MAP3K13: variants seen among roughly 807,000 people sequenced by gnomAD.
MAP3K13 encodes the protein leucine zipper-bearing kinase.
A neutral mutation model predicts 104.0 loss-of-function variants in MAP3K13; 52 were observed. The ratio of observed to expected loss-of-function variants is 0.50; its 90% CI spans 0.40 to 0.63. The LOEUF is 0.63. Among genes scored for constraint, MAP3K13 ranks in the 20% least tolerant of loss-of-function variants. The pLI is 0.00. For synonymous variants in MAP3K13, 394 were observed against 442.2 expected, an observed-to-expected ratio of 0.89 and a Z score of 1.37; for missense variants, 914 against 1,218.5, an observed-to-expected ratio of 0.75 and a Z score of 3.72.
chr3:185,436,505 A>C (rs1293386805), intron 2 of MAP3K13, among the ~76,000 whole-genome samples: 1 of 152,162 alleles, frequency 6.6e-6, no homozygotes, highest in Non-Finnish European at 1.5e-5. Context: ...ATTTTAGGAG[A>C]ATTTACTTAA....
intron 1 of MAP3K13, among the ~76,000 whole-genome samples, chr3:185,403,746 C>T (rs181288333): frequency 8.1e-4 from 123 of 152,266 alleles, no homozygotes; most frequent in African/African-American, 2.8e-3. Context: ...CTTATATATA[C>T]AGATAAACCT....
chr3:185,462,594 GA>G (rs1488211058), intron 7 of MAP3K13, among the ~76,000 whole-genome samples: 22 of 152,016 alleles, frequency 1.4e-4, no homozygotes, highest in Non-Finnish European at 2.9e-4. Flanking sequence ...ACAACAAGGT[GA>G]AATCCCGCCT....
At chr3:185,379,217 T>C (rs1051545180) in intron 1 of MAP3K13, among the ~76,000 whole-genome samples, 1 of 152,196 alleles carries the variant, frequency 6.6e-6, no homozygotes, top group Non-Finnish European at 1.5e-5. Flanking sequence ...CGTGGGCGAA[T>C]AATCAGAGAG....
chr3:185,446,381 G>C (rs538998171), intron 4 of MAP3K13, among the ~76,000 whole-genome samples: 2 of 151,476 alleles, frequency 1.3e-5, no homozygotes, highest in Admixed American at 6.6e-5. Context: ...TCAGCCTCCC[G>C]AGTGGCTGGG....
intron 2 of MAP3K13, among the ~76,000 whole-genome samples, chr3:185,300,555 C>T (rs1478587234): frequency 6.6e-6 from 1 of 151,494 alleles, no homozygotes; most frequent in Admixed American, 6.6e-5. Flanking sequence ...GCAATGGCGC[C>T]ATCTCGGCTC....
intron 7 of MAP3K13, among the ~76,000 whole-genome samples, chr3:185,455,332 TATATATGAGATATATA>T (rs1716461514): frequency 9.7e-6 from 1 of 103,498 alleles, no homozygotes; most frequent in African/African-American, 3.5e-5. Flanking sequence ...ATATATATGA[TATATATGAGATATATA>T]TGATATATAT....
intron 10 of MAP3K13, among the ~76,000 whole-genome samples, chr3:185,468,836 G>A (rs1717610239): frequency 6.6e-6 from 1 of 152,130 alleles, no homozygotes; most frequent in Non-Finnish European, 1.5e-5. Context: ...CTTTTCTTTT[G>A]TTGTACTAAT....
Position 185,377,893 on chromosome 3 carries a change from C to G in MAP3K13, c.-86+14525C>G, listed in dbSNP as rs9883752. On this transcript the variant is annotated intron_variant, in intron 1 of 13. Transcript: ENST00000265026. ...TGGCTGCCGGGCGAGTTGGACAGTC[C>G]GATTTCCAGTGGGGTCCCGCACAGA... Among the ~76,000 whole-genome samples the G allele has an allele frequency of 6.1e-3, 926 of 152,296 alleles. 8 individuals carry two copies. The highest frequency in any genetic ancestry group is 0.02 in the African/African-American group (837 of 41,566).
At chr3:185,404,476 G>T (rs1037132672) in intron 1 of MAP3K13, among the ~76,000 whole-genome samples, 2 of 152,176 alleles carry the variant, frequency 1.3e-5, no homozygotes, top group African/African-American at 2.4e-5. Flanking sequence ...GTCAGGCTAT[G>T]GAAACGGAAT....
Position 185,417,566 on chromosome 3 carries a change from T to C in MAP3K13, c.-85-10931T>C, listed in dbSNP as rs183804511. The C allele has an allele frequency of 4.0e-4, 641 of 1,610,856 alleles. 5 individuals are homozygous for C. In the African/African-American group the frequency reaches 7.8e-3, roughly 20 times the overall value. On this transcript the variant is annotated intron_variant, in intron 1 of 13. Transcript: ENST00000265026. ...GGCTTCTTTTCAGGGGCTGGTTTCT[T>C]GGTAGCTGCTGCCTTTTTTCCCACC...
intron 2 of MAP3K13, among the ~76,000 whole-genome samples, chr3:185,316,883 C>T (rs1219830743): frequency 2.6e-5 from 4 of 152,052 alleles, no homozygotes; most frequent in African/African-American, 9.7e-5. Flanking sequence ...GCAGGAAGGA[C>T]GATGACTGGG....
intron 3 of MAP3K13, among the ~76,000 whole-genome samples, chr3:185,441,695 G>A (rs891311109): frequency 6.6e-6 from 1 of 152,068 alleles, no homozygotes; most frequent in African/African-American, 2.4e-5. Flanking sequence ...TTGAGTACAG[G>A]AGTTCGAGAG....
At chr3:185,417,384 T>G in intron 1 of MAP3K13, 1 of 1,056,474 alleles carries the variant, frequency 9.5e-7, no homozygotes, top group Non-Finnish European at 1.3e-6. Flanking sequence ...TATATGTTCT[T>G]TTCTTTTCTT....
At chr3:185,405,074 T>G (rs1197290408) in intron 1 of MAP3K13, among the ~76,000 whole-genome samples, 1 of 152,214 alleles carries the variant, frequency 6.6e-6, no homozygotes, top group Non-Finnish European at 1.5e-5. Context: ...ATATTTCTTG[T>G]GTCATGCCTT....
rs200123575 is a variant in MAP3K13, at chr3:185,310,370, G to GA, written c.-86+24735dup. Among the ~76,000 whole-genome samples the GA allele has an allele frequency of 4.1e-3, 625 of 151,840 alleles. 10 individuals carry two copies. The highest frequency in any genetic ancestry group is 0.014 in the African/African-American group (567 of 41,410). ...TTCTATAAAAAATTATGAAATATAT[G>GA]AAAAAAAACACAACCATTTTCAAGA... On this transcript the variant is annotated intron_variant, in intron 2 of 14. Transcript: ENST00000424227.
At chr3:185,377,209 A>G (rs1054170899) in intron 1 of MAP3K13, among the ~76,000 whole-genome samples, 4 of 152,214 alleles carry the variant, frequency 2.6e-5, no homozygotes, top group Non-Finnish European at 4.4e-5. Context: ...AGAAGAGTTT[A>G]TAGGCTTTAA....
At chr3:185,417,379 G>GTTCTT (rs367566707) in intron 1 of MAP3K13, 292 of 1,091,064 alleles carry the variant, frequency 2.7e-4, no homozygotes, top group Admixed American at 8.4e-4. Context: ...ACTGATATAT[G>GTTCTT]TTCTTTTCTT....
intron 2 of MAP3K13, among the ~76,000 whole-genome samples, chr3:185,310,908 A>C (rs879435688): frequency 6.6e-6 from 1 of 152,150 alleles, no homozygotes; most frequent in Non-Finnish European, 1.5e-5. Context: ...TTCTGCTTTC[A>C]ATATTCACAG....
At chr3:185,308,007 GTCTT>G (rs1346535849) in intron 2 of MAP3K13, among the ~76,000 whole-genome samples, 4 of 59,406 alleles carry the variant, frequency 6.7e-5, no homozygotes, top group African/African-American at 2.0e-4. Context: ...TTTCTTTGGG[GTCTT>G]TTTTTTTTTT....
Sources: gnomAD v4.1 joint callset for allele counts (sites outside exome capture counted in the v4.1 genomes callset) on GRCh38, gnomAD v4.1.1 for gene constraint, MANE v1.5 for transcripts, NCBI Gene and HGNC (gene_info 2026-07-23, HGNC 2026-07-21) for gene names.